RASGRP4: variants seen among roughly 807,000 people sequenced by gnomAD.
RASGRP4 encodes RAS guanyl-releasing protein 4.
In RASGRP4, 52 loss-of-function variants were observed where a neutral mutation model predicts 84.4. That is an observed-to-expected ratio of 0.62 (90% confidence interval 0.49 to 0.78). The LOEUF (loss-of-function observed/expected upper bound fraction) is 0.78, where lower values mean the gene tolerates loss of function less well. Among genes scored for constraint, RASGRP4 ranks in the 30% least tolerant of loss-of-function variants. RASGRP4 has a pLI of 0.00. For missense variants in RASGRP4, 760 were observed against 886.9 expected, an observed-to-expected ratio of 0.86 and a Z score of 1.82; for synonymous variants, 356 against 359.1, an observed-to-expected ratio of 0.99 and a Z score of 0.10.
At position 38,410,908 on chromosome 19, in the gene RASGRP4, T is replaced by G. The variant is rs1169720483; in HGVS notation, c.1943A>C (p.His648Pro). ...RHAWTQTESPHPSWETDTVPC... is the reference protein window; with the variant it reads ...RHAWTQTESPPPSWETDTVPC... ...CACCGTATCTGTTTCCCAGGAAGGG[T>G]GTGGGGATTCAGTCTGGGTCCAGGC... is the stretch of plus-strand genomic sequence containing the variant. Residue 648 changes from histidine to proline, a missense_variant, in exon 16 of 17, where the codon CAC becomes CCC. Transcript: ENST00000615439. The G allele has an allele frequency of 2.5e-6, 4 of 1,599,006 alleles. 1 individual carries two copies. The highest frequency in any genetic ancestry group is 2.7e-5 in the African/African-American group (2 of 74,590).
At position 38,422,214 on chromosome 19, in the gene RASGRP4, C is replaced by T. The variant is rs1600577751; in HGVS notation, c.24-61G>A. The T allele has an allele frequency of 3.4e-6, 5 of 1,471,022 alleles. No homozygotes were observed. In the East Asian group the frequency reaches 1.2e-4, roughly 34 times the overall value. The allele number at this position is 1,471,022 out of a possible 1,614,324, so 91.1% of individuals were successfully genotyped here. A position where few individuals can be genotyped will look rare whatever the true frequency, so the allele number is the denominator to read the frequency against. ...CTTCTTTCGGACAGACCCTAGAATT[C>T]CTTTTGACTCTAATGCCCCAAGGCA... On this transcript the variant is annotated intron_variant, in intron 1 of 16. Transcript: ENST00000615439.
intron 1 of RASGRP4, among the ~76,000 whole-genome samples, chr19:38,425,507 G>A (rs1301225017): frequency 6.6e-6 from 1 of 152,178 alleles, no homozygotes; most frequent in East Asian, 1.9e-4. Context: ...GGGGTGGCAG[G>A]AGGAGTTACC....
Position 38,421,185 on chromosome 19 carries a change from A to C in RASGRP4, c.224T>G (p.Leu75Arg). The C allele has an allele frequency of 6.2e-7, 1 of 1,613,362 alleles. No homozygotes were observed. Among genetic ancestry groups the C allele is most frequent in the Non-Finnish European group, 8.5e-7 (1 of 1,179,450 alleles). The change falls in exon 3 of 17, where the codon CTG becomes CGG. Residue 75 changes from leucine (L) to arginine (R), a missense_variant. Leu to Arg is a moderately radical substitution (Grantham distance 102). Transcript: ENST00000615439. ...CIQSFDSAGSLCHEDHMLNMV... is the reference protein window; with the variant it reads ...CIQSFDSAGSRCHEDHMLNMV... ...GTTGAGCATGTGGTCCTCGTGGCAC[A>C]GGCTGCCAGCTGAATCTGGGGTGGA...
At position 38,421,098 on chromosome 19, in the gene RASGRP4, G is replaced by A. The variant is rs763795610; in HGVS notation, c.311C>T (p.Thr104Ile). 1.2e-6 allele frequency: 2 copies of A among 1,613,484 alleles called. No individual in the cohort carries two copies. The highest frequency in any genetic ancestry group is 1.1e-5 in the South Asian group (1 of 91,080). ...AGCTCACAGTCCTGGAGGATATGAG[G>A]TCAGCAGGCGGGCAGCCAGGTCGGC... ...PSADLAARLL[T>I]SYQKATGDTQ... is the part of the protein sequence containing the mutation. The change falls in exon 3 of 17, where the codon ACC becomes ATC. Residue 104 changes from threonine (T) to isoleucine (I), a missense_variant. By Grantham distance (89) the Thr-to-Ile change is moderately conservative. Coordinates refer to ENST00000615439, the MANE Select transcript of RASGRP4 (RefSeq NM_170604.3).
In RASGRP4 at chr19:38,409,512, G is replaced by T; in HGVS notation, c.*528C>A. On this transcript the variant is annotated 3_prime_UTR_variant, in exon 17 of 17. Coordinates refer to ENST00000615439, the MANE Select transcript of RASGRP4 (RefSeq NM_170604.3). ...CCCAGCACTTTGGGAGGCTGAGGCT[G>T]GTGGATCATGAGGTCAGGAGTTTGA... is the stretch of plus-strand genomic sequence containing the variant. The T allele has an allele frequency of 6.5e-6, 1 of 152,726 alleles. No homozygotes were observed. Among genetic ancestry groups the T allele is most frequent in the Non-Finnish European group, 1.5e-5 (1 of 68,356 alleles). The allele number at this position is 152,726 out of a possible 1,614,324, so 9.5% of individuals were successfully genotyped here.
In RASGRP4 at chr19:38,420,016, G is replaced by T; in HGVS notation, c.510-3C>A. The T allele has an allele frequency of 6.2e-7, 1 of 1,613,524 alleles. No individual in the cohort carries two copies. Among genetic ancestry groups the T allele is most frequent in the Non-Finnish European group, 8.5e-7 (1 of 1,179,462 alleles). ...GGCCAGGGCCACCAGGGCTCAGGCT[G>T]GGGGCCAAGAGGGGCAGGGTATTGG... On this transcript the variant is annotated splice_polypyrimidine_tract_variant and splice_region_variant and intron_variant, in intron 5 of 16. Coordinates refer to ENST00000615439, the MANE Select transcript of RASGRP4 (RefSeq NM_170604.3).
intron 8 of RASGRP4, 43 bp from the exon 9 acceptor site, chr19:38,415,166 C>G: frequency 6.6e-7 from 1 of 1,517,084 alleles, no homozygotes; most frequent in Non-Finnish European, 8.9e-7. Context: ...TCAGGACAGT[C>G]CCATCCCCTG....
In RASGRP4 at chr19:38,413,174, GC is replaced by G. The variant is rs1568408369; in HGVS notation, c.1416+18del. 1.2e-6 allele frequency: 2 copies of G among 1,607,482 alleles called. No homozygotes were observed. Among genetic ancestry groups the G allele is most frequent in the Non-Finnish European group, 1.7e-6 (2 of 1,175,152 alleles). ...TTCCCTCCTGGCTGCTGGCGGCCGG[GC>G]CACCCTCCCCTCCTTACCTCCACCA... is the stretch of plus-strand genomic sequence containing the variant. On this transcript the variant is annotated intron_variant, in intron 11 of 16. Coordinates refer to ENST00000615439, the MANE Select transcript of RASGRP4 (RefSeq NM_170604.3). This position sits in a 1 kb window ranked among gnomAD's most constrained non-coding sequence, Gnocchi z 4.7.
rs1600556532 is a variant in RASGRP4 at position 38,415,071 on chromosome 19, T to G, written c.1007A>C (p.Tyr336Ser). 6.2e-7 allele frequency: 1 copy of G among 1,602,202 alleles called. No individual in the cohort carries two copies. The highest frequency in any genetic ancestry group is 8.5e-7 in the Non-Finnish European group (1 of 1,174,794). Residue 336 changes from tyrosine (Y) to serine (S), a missense_variant, in exon 9 of 17, where the codon TAC (tyrosine) becomes TCC (serine). Tyr to Ser is a moderately radical substitution (Grantham distance 144). Coordinates refer to ENST00000615439, the MANE Select transcript of RASGRP4 (RefSeq NM_170604.3). The part of the protein sequence containing the change: ...LLASHNNYAR[Y>S]RRTWAGCAGF... ...CGCGCAGCCAGCCCAGGTGCGGCGG[T>G]AGCGGGCGTAGTTGTTGTGGGAGGC...
rs957248271 is a variant in RASGRP4 at position 38,418,822 on chromosome 19, CTA to C, written c.664-260_664-259del. On this transcript the variant is annotated intron_variant, in intron 6 of 16. Transcript: ENST00000615439. The surrounding 1 kb of genome is among the most constrained non-coding windows in gnomAD (Gnocchi z 4.6). Reference sequence around the variant, plus strand: ...ATTAAATAATTTAATCCTCATAACTCTATGAGGTGAGTATCATTCCATTTTAG... The same window carrying C: ...ATTAAATAATTTAATCCTCATAACTCTGAGGTGAGTATCATTCCATTTTAG... Among the ~76,000 whole-genome samples the C allele has an allele frequency of 4.6e-5, 7 of 152,184 alleles. No homozygotes were observed. The highest frequency in any genetic ancestry group is 1.7e-4 in the African/African-American group (7 of 41,436).
intron 16 of RASGRP4, among the ~76,000 whole-genome samples, chr19:38,410,426 T>C (rs542585685): frequency 1.5e-4 from 23 of 151,678 alleles, no homozygotes; most frequent in Non-Finnish European, 3.1e-4. Context: ...TTTTTTTTTT[T>C]TTTTGAGACA....
At position 38,420,079 on chromosome 19, in the gene RASGRP4, G is replaced by C. The variant is rs569151048; in HGVS notation, c.509+52C>G. 3.2e-5 allele frequency: 51 copies of C among 1,608,224 alleles called. 1 individual carries two copies. The South Asian group carries it at 4.6e-4, about 15-fold the overall frequency. On this transcript the variant is annotated intron_variant, in intron 5 of 16. Transcript: ENST00000615439. ...TTGAGGGCTTGGGGATATAGAGGGA[G>C]ATGGCAGAATGGCGATGGGGCAGGG...
chr19:38,419,558 C>A (rs928883295), intron 6 of RASGRP4, among the ~76,000 whole-genome samples: 1 of 152,168 alleles, frequency 6.6e-6, no homozygotes, highest in Non-Finnish European at 1.5e-5. Context: ...CTCACCCTCC[C>A]AAGTAGCTGG....
At chr19:38,419,682 C>T (rs1209997817) in intron 6 of RASGRP4, among the ~76,000 whole-genome samples, 178 bp downstream of exon 6, 3 of 152,212 alleles carry the variant, frequency 2.0e-5, no homozygotes, top group African/African-American at 4.8e-5. Flanking sequence ...GATCTGCCTG[C>T]CTTGGCCTCT....
Position 38,422,048 on chromosome 19 carries a change from C to G in RASGRP4, c.129G>C (p.Met43Ile). 6.2e-7 allele frequency: 1 copy of G among 1,613,790 alleles called. No homozygotes were observed. The highest frequency in any genetic ancestry group is 8.5e-7 in the Non-Finnish European group (1 of 1,179,822). Residue 43 changes from methionine to isoleucine, a missense_variant, in exon 2 of 17, where the codon ATG becomes ATC. Transcript: ENST00000615439. ...TCAGCAGGCCCAGGTTCATGGAAGC[C>G]ATGACCTTGCTGATTTCCCGAGGGC... ...CPSPREISKV[M>I]ASMNLGLLSE... is the part of the protein sequence containing the mutation.
rs1047536034 is a variant in RASGRP4 at position 38,412,322 on chromosome 19, A to G, written c.1680+350T>C. On this transcript the variant is annotated intron_variant, in intron 13 of 16. Transcript: ENST00000615439. This position sits in a 1 kb window ranked among gnomAD's most constrained non-coding sequence, Gnocchi z 4.6. ...TAGTAGAGACGGGGTCTCTCTTGCT[A>G]TGTTCCCTAGGCTGGTCTTGAACTC... The G allele has an allele frequency of 1.3e-5, 3 of 236,944 alleles. No individual in the cohort carries two copies. Among genetic ancestry groups the G allele is most frequent in the African/African-American group, 2.3e-5 (1 of 43,778 alleles). 14.7% of individuals were successfully genotyped at this position (236,944 alleles called of 1,614,324 possible).
rs1971337283 is a variant in RASGRP4, at chr19:38,413,088, T to C, written c.1417-39A>G. The C allele has an allele frequency of 6.3e-7, 1 of 1,586,258 alleles. No homozygotes were observed. The highest frequency in any genetic ancestry group is 1.3e-5 in the African/African-American group (1 of 74,312). On this transcript the variant is annotated intron_variant, in intron 11 of 16. Transcript: ENST00000615439. This position sits in a 1 kb window ranked among gnomAD's most constrained non-coding sequence, Gnocchi z 4.7. ...TGGGGAAGCAGATAAGGCCCAGTTG[T>C]CGAAATATGATCCCCATGGCCATAA...
At chr19:38,410,520 C>A (rs963011187) in intron 16 of RASGRP4, among the ~76,000 whole-genome samples, 1 of 151,094 alleles carries the variant, frequency 6.6e-6, no homozygotes, top group Non-Finnish European at 1.5e-5. Flanking sequence ...TCAAGTGATT[C>A]TCCTGCCTCA....
In RASGRP4 at chr19:38,409,900, G is replaced by A. The variant is rs1220821375; in HGVS notation, c.*140C>T. ...AGTCACTTCCAGGGAAAAAGATGAC[G>A]GACGTACCACTAAAGGCAGTGTGGA... On this transcript the variant is annotated 3_prime_UTR_variant, in exon 17 of 17. Coordinates refer to ENST00000615439, the MANE Select transcript of RASGRP4 (RefSeq NM_170604.3). The A allele has an allele frequency of 3.4e-6, 2 of 595,082 alleles. No homozygotes were observed. Among genetic ancestry groups the A allele is most frequent in the South Asian group, 2.2e-5 (1 of 45,300 alleles). The allele number at this position is 595,082 out of a possible 1,614,324, so 36.9% of individuals were successfully genotyped here. A position where few individuals can be genotyped will look rare whatever the true frequency, so the allele number is the denominator to read the frequency against.
Sources: gnomAD v4.1 joint callset for allele counts (sites outside exome capture counted in the v4.1 genomes callset) on GRCh38, gnomAD v4.1.1 for gene constraint, Gnocchi (gnomAD v3.1) non-coding constraint, MANE v1.5 for transcripts, NCBI Gene and HGNC (gene_info 2026-07-23, HGNC 2026-07-21) for gene names.